MUSK: variants seen among roughly 807,000 people sequenced by gnomAD.
The protein encoded by MUSK is muscle associated receptor tyrosine kinase, also known as muscle, skeletal receptor tyrosine-protein kinase.
MUSK carries 55 observed loss-of-function variants against 88.7 expected under a neutral mutation model. The ratio of observed to expected loss-of-function variants is 0.62; its 90% CI spans 0.50 to 0.78. The LOEUF (loss-of-function observed/expected upper bound fraction) is 0.78, where lower values mean the gene tolerates loss of function less well. Ranked by LOEUF, MUSK falls within the 30% of genes least tolerant of loss-of-function variation. The pLI is 0.00. For synonymous variants in MUSK, 387 were observed against 391.9 expected (o/e 0.99, Z 0.15); for missense variants, 1,015 against 1,074.3 (o/e 0.94, Z 0.77).
intron 3 of MUSK, among the ~76,000 whole-genome samples, 156 bp from the exon 4 acceptor site, chr9:110,695,247 C>A (rs1226248039): frequency 6.6e-6 from 1 of 152,140 alleles, no homozygotes; most frequent in Non-Finnish European, 1.5e-5. Context: ...TTGAGATCTA[C>A]TGAGGAAAAC....
chr9:110,711,233 C>T (rs901234098), intron 5 of MUSK, among the ~76,000 whole-genome samples: 1 of 151,816 alleles, frequency 6.6e-6, no homozygotes, highest in African/African-American at 2.4e-5. Context: ...GCACAGGTAC[C>T]CTAGAACTTA....
chr9:110,737,257 C>A lies in MUSK; in HGVS notation c.753+2882C>A, dbSNP rs140072142. ...AGACTTTAACCACTTTGGTTTGCAC[C>A]GAGTCTTTAGTTTCTGATACTCTTT... On this transcript the variant is annotated intron_variant, in intron 6 of 14. Coordinates refer to ENST00000374448, the MANE Select transcript of MUSK (RefSeq NM_005592.4). Among the ~76,000 whole-genome samples, 1,036 of 151,314 alleles carry A rather than the reference C, an allele frequency of 6.8e-3. 10 individuals are homozygous for A. Among genetic ancestry groups the A allele is most frequent in the African/African-American group, 0.023 (970 of 41,336 alleles).
intron 14 of MUSK, among the ~76,000 whole-genome samples, chr9:110,788,585 T>C (rs182053539): frequency 6.6e-6 from 1 of 150,996 alleles, no homozygotes; most frequent in Non-Finnish European, 1.5e-5. Flanking sequence ...TAAGCCAAGA[T>C]TGCACCACTG....
chr9:110,798,623 C>T (rs2078048348), intron 14 of MUSK, among the ~76,000 whole-genome samples: 1 of 152,082 alleles, frequency 6.6e-6, no homozygotes, highest in Non-Finnish European at 1.5e-5. Flanking sequence ...ATCCACCCAT[C>T]AACATATATT....
chr9:110,762,170 C>T, intron 7 of MUSK, 32 bp from the exon 8 acceptor site: 1 of 1,419,440 alleles, frequency 7.0e-7, no homozygotes, highest in Non-Finnish European at 9.3e-7. Context: ...TTTAATTTGA[C>T]TTCCTGTGGG....
intron 6 of MUSK, among the ~76,000 whole-genome samples, chr9:110,744,791 C>T (rs950217619): frequency 5.3e-5 from 8 of 152,078 alleles, no homozygotes; most frequent in African/African-American, 1.9e-4. Flanking sequence ...ACCTGAGTGA[C>T]TTGGAGAAAA....
At chr9:110,736,291 A>G (rs2077029304) in intron 6 of MUSK, among the ~76,000 whole-genome samples, 1 of 151,928 alleles carries the variant, frequency 6.6e-6, no homozygotes, top group Non-Finnish European at 1.5e-5. Flanking sequence ...TAAAATTTTA[A>G]ATTAAGAAAC....
Position 110,747,701 on chromosome 9 carries a change from C to T in MUSK, c.814C>T (p.Leu272=), listed in dbSNP as rs2077191821. 1 of 1,613,792 alleles carries T rather than the reference C, an allele frequency of 6.2e-7. No individual in the cohort carries two copies. The stretch of plus-strand genomic sequence containing the variant: ...CCGAGTGATTGACTCAAGACTGCAG[C>T]TGTTTATCACCAAGCCAGGACTCTA... ...KDRVIDSRLQ[L]FITKPGLYTC... Residue 272 remains leucine, a synonymous_variant, in exon 7 of 15, where the codon CTG becomes TTG. Transcript: ENST00000374448.
At chr9:110,669,861 T>A (rs1263159894) in intron 1 of MUSK, among the ~76,000 whole-genome samples, 2 of 152,208 alleles carry the variant, frequency 1.3e-5, no homozygotes, top group Non-Finnish European at 2.9e-5. Flanking sequence ...AAATTTAATG[T>A]TATACCATAG....
chr9:110,755,967 T>TATATATATATAC (rs1564268914), intron 7 of MUSK, among the ~76,000 whole-genome samples: 2 of 58,810 alleles, frequency 3.4e-5, no homozygotes, highest in South Asian at 1.1e-3. Context: ...TATATATACA[T>TATATATATATAC]ATATATATAT....
At chr9:110,743,902 T>C (rs898624138) in intron 6 of MUSK, among the ~76,000 whole-genome samples, 3 of 152,158 alleles carry the variant, frequency 2.0e-5, no homozygotes, top group Admixed American at 1.3e-4. Flanking sequence ...CCTTTTTCTA[T>C]GATTCATAAA....
intron 9 of MUSK, among the ~76,000 whole-genome samples, chr9:110,771,895 T>G (rs1444002388): frequency 6.6e-6 from 1 of 152,154 alleles, no homozygotes; most frequent in Non-Finnish European, 1.5e-5. Context: ...AGGAATCAAG[T>G]CTCATCAATC....
chr9:110,762,740 C>A (rs2077420425), intron 8 of MUSK, among the ~76,000 whole-genome samples: 1 of 152,152 alleles, frequency 6.6e-6, no homozygotes, highest in African/African-American at 2.4e-5. Context: ...TTGCAACTTA[C>A]AGTGTTTTAT....
intron 8 of MUSK, 134 bp downstream of exon 8, chr9:110,762,342 T>A: frequency 1.9e-6 from 1 of 531,948 alleles, no homozygotes. Flanking sequence ...TTTTTGTTAT[T>A]TGACATGCCA....
intron 7 of MUSK, among the ~76,000 whole-genome samples, chr9:110,759,135 T>C (rs540774797): frequency 6.6e-6 from 1 of 152,044 alleles, no homozygotes. Flanking sequence ...AAAACAGACA[T>C]ATAGACCACT....
intron 2 of MUSK, among the ~76,000 whole-genome samples, chr9:110,686,327 A>C (rs1416848094): frequency 1.3e-5 from 2 of 151,970 alleles, no homozygotes; most frequent in Non-Finnish European, 2.9e-5. Flanking sequence ...AGTCCAGAAC[A>C]CTCCATTTTA....
At position 110,803,850 on chromosome 9, in the gene MUSK, A is replaced by C. The variant is rs2078126544; in HGVS notation, c.*2862A>C. On this transcript the variant is annotated 3_prime_UTR_variant, in exon 15 of 15. Transcript: ENST00000374448. Reference sequence around the variant, plus strand: ...TAAATAAGATTTTTTTTCATGGTAGAATCATCATATACATTCAAAAAGGTA... The same window carrying C: ...TAAATAAGATTTTTTTTCATGGTAGCATCATCATATACATTCAAAAAGGTA... Among the ~76,000 whole-genome samples the C allele has an allele frequency of 6.6e-6, 1 of 152,156 alleles. No homozygotes were observed. The highest frequency in any genetic ancestry group is 1.5e-5 in the Non-Finnish European group (1 of 68,032).
chr9:110,799,278 A>G (rs1219492177), intron 14 of MUSK, among the ~76,000 whole-genome samples: 1 of 152,206 alleles, frequency 6.6e-6, no homozygotes, highest in East Asian at 1.9e-4. Flanking sequence ...CTAATAATCT[A>G]TTTTTAAGAT....
intron 6 of MUSK, among the ~76,000 whole-genome samples, chr9:110,737,604 T>C (rs1412343966): frequency 6.6e-6 from 1 of 152,114 alleles, no homozygotes; most frequent in East Asian, 1.9e-4. Flanking sequence ...TCCAATCTTA[T>C]AGAATAGACT....
Sources: allele counts gnomAD v4.1 joint callset (sites outside exome capture counted in the v4.1 genomes callset), GRCh38; gene constraint gnomAD v4.1.1; transcripts MANE v1.5; gene names NCBI Gene and HGNC (gene_info 2026-07-23, HGNC 2026-07-21).